The following CDYL variants were observed in gnomAD, a reference collection of about 807,000 sequenced individuals.
The protein encoded by CDYL is chromodomain Y like, also known as chromodomain Y-like protein.
Under a neutral mutation model 47.3 loss-of-function variants are expected in CDYL, and 8 were observed. The observed-to-expected ratio is 0.17, with a 90% CI of 0.10 to 0.31. The LOEUF (loss-of-function observed/expected upper bound fraction) is 0.31, where lower values mean the gene tolerates loss of function less well. CDYL is among the 10% of genes least tolerant of loss of function. CDYL has a pLI of 1.00. For missense variants in CDYL, 471 were observed against 701.4 expected, an observed-to-expected ratio of 0.67 and a Z score of 3.71; for synonymous variants, 266 against 265.0, an observed-to-expected ratio of 1.00 and a Z score of -0.04.
chr6:4,798,613 G>A (rs1427596419), intron 1 of CDYL, among the ~76,000 whole-genome samples: 1 of 152,200 alleles, frequency 6.6e-6, no homozygotes, highest in Non-Finnish European at 1.5e-5. Flanking sequence ...TTGAGGAATT[G>A]TGTCTATCTT....
intron 1 of CDYL, among the ~76,000 whole-genome samples, chr6:4,809,175 A>G (rs1166044394): frequency 1.3e-5 from 2 of 152,232 alleles, no homozygotes; most frequent in Non-Finnish European, 2.9e-5. Flanking sequence ...TTCTTAAAAA[A>G]AAGAGCAGGT....
chr6:4,852,324 TTCCTTCCTTCCC>T (rs1169613365), intron 1 of CDYL, among the ~76,000 whole-genome samples: 1 of 151,842 alleles, frequency 6.6e-6, no homozygotes, highest in Non-Finnish European at 1.5e-5. Flanking sequence ...TCTTCCTTCC[TTCCTTCCTTCCC>T]TCCTTCCTTC....
chr6:4,908,892 T>A (rs1409758049), intron 2 of CDYL, among the ~76,000 whole-genome samples: 1 of 152,246 alleles, frequency 6.6e-6, no homozygotes. Flanking sequence ...ACATTCTGCC[T>A]GTCTGTTGAG....
chr6:4,915,076 TC>T (rs562527903), intron 2 of CDYL, among the ~76,000 whole-genome samples: 2 of 152,248 alleles, frequency 1.3e-5, no homozygotes, highest in Non-Finnish European at 2.9e-5. Flanking sequence ...CATGTTTAAC[TC>T]TGTGTTGTTA....
chr6:4,717,366 G>C (rs940440556), intron 2 of CDYL, among the ~76,000 whole-genome samples: 1 of 152,074 alleles, frequency 6.6e-6, no homozygotes, highest in Non-Finnish European at 1.5e-5. Context: ...GGCTCATCCA[G>C]GATCCACCAT....
chr6:4,777,024 G>A (rs956370882), intron 1 of CDYL, among the ~76,000 whole-genome samples: 3 of 105,118 alleles, frequency 2.9e-5, no homozygotes, highest in African/African-American at 1.1e-4. Context: ...GGCGTGGGGT[G>A]GGGGGGGGGG....
chr6:4,807,404 G>GATA (rs2127442391), intron 1 of CDYL, among the ~76,000 whole-genome samples: 1 of 152,222 alleles, frequency 6.6e-6, no homozygotes, highest in East Asian at 1.9e-4. Context: ...ATAACTTTGA[G>GATA]ACTGTGAAAA....
chr6:4,834,176 C>A (rs1760225876), intron 1 of CDYL, among the ~76,000 whole-genome samples: 1 of 152,110 alleles, frequency 6.6e-6, no homozygotes, highest in East Asian at 1.9e-4. Context: ...TCTTGATGGT[C>A]TTTACATTTT....
At chr6:4,758,845 T>G (rs1333748586) in intron 3 of CDYL, among the ~76,000 whole-genome samples, 1 of 152,146 alleles carries the variant, frequency 6.6e-6, no homozygotes, top group Non-Finnish European at 1.5e-5. Flanking sequence ...TTTTACGTAT[T>G]TATTTTAATT....
intron 1 of CDYL, among the ~76,000 whole-genome samples, chr6:4,869,985 C>T (rs1199472280): frequency 6.6e-6 from 1 of 152,262 alleles, no homozygotes; most frequent in East Asian, 1.9e-4. Flanking sequence ...TCAGGCAGCT[C>T]TGTTGACAAG....
At chr6:4,849,425 T>C (rs147270122) in intron 1 of CDYL, among the ~76,000 whole-genome samples, 342 of 152,328 alleles carry the variant, frequency 2.2e-3, no homozygotes, top group African/African-American at 7.8e-3. Flanking sequence ...AACAGAATTA[T>C]AAACAGGAGA....
chr6:4,932,059 T>C (rs1758048079), intron 2 of CDYL, among the ~76,000 whole-genome samples: 1 of 151,982 alleles, frequency 6.6e-6, no homozygotes, highest in Admixed American at 6.5e-5. Flanking sequence ...GACCTTTACG[T>C]AGAGAAAGGA....
exon 2 of CDYL, chr6:4,715,852 C>G: frequency 6.2e-7 from 1 of 1,614,080 alleles, no homozygotes; most frequent in Non-Finnish European, 8.5e-7. Context: ...GAGGGCCCAA[C>G]CCAAAAGTTA....
intron 1 of CDYL, among the ~76,000 whole-genome samples, chr6:4,789,912 A>G (rs1486127440): frequency 2.0e-5 from 3 of 152,184 alleles, no homozygotes; most frequent in Non-Finnish European, 4.4e-5. Flanking sequence ...TCTAAAACAA[A>G]TCGCCTTTCA....
intron 1 of CDYL, among the ~76,000 whole-genome samples, chr6:4,885,291 G>A (rs1761872037): frequency 6.6e-6 from 1 of 152,202 alleles, no homozygotes; most frequent in East Asian, 1.9e-4. Flanking sequence ...ACTGTGCCCA[G>A]CCAATTCATT....
intron 1 of CDYL, among the ~76,000 whole-genome samples, chr6:4,788,206 C>T (rs75603914): frequency 0.026 from 3,976 of 152,056 alleles, 177 homozygotes; most frequent in African/African-American, 0.089. Flanking sequence ...AAAGGCTTTT[C>T]AGGCTGGGTG....
chr6:4,856,452 A>C (rs1387116652), intron 1 of CDYL, among the ~76,000 whole-genome samples: 1 of 152,120 alleles, frequency 6.6e-6, no homozygotes, highest in Non-Finnish European at 1.5e-5. Context: ...TCTGGCGAGG[A>C]GGGAAGGGGA....
chr6:4,767,258 A>T, intron 3 of CDYL, among the ~76,000 whole-genome samples: 1 of 138,760 alleles, frequency 7.2e-6, no homozygotes, highest in Non-Finnish European at 1.5e-5. Context: ...TTCATTCATG[A>T]TAAAAAAAAA....
At chr6:4,953,291 A>G (rs1758765189) in intron 6 of CDYL, among the ~76,000 whole-genome samples, 1 of 151,710 alleles carries the variant, frequency 6.6e-6, no homozygotes, top group South Asian at 2.1e-4. Context: ...GGCTGAGGTG[A>G]GAGAATCGCT....
Sources: allele counts gnomAD v4.1 joint callset (sites outside exome capture counted in the v4.1 genomes callset), GRCh38; gene constraint gnomAD v4.1.1; transcripts MANE v1.5; gene names NCBI Gene and HGNC (gene_info 2026-07-23, HGNC 2026-07-21).